Variants in ZDHHC21 observed in about 807,000 individuals in gnomAD.
ZDHHC21 encodes the protein palmitoyltransferase ZDHHC21.
A neutral mutation model predicts 34.6 loss-of-function variants in ZDHHC21; 15 were observed. That is an observed-to-expected ratio of 0.43 (90% CI 0.29 to 0.67). ZDHHC21 has a LOEUF of 0.67. Among genes scored for constraint, ZDHHC21 ranks in the 30% least tolerant of loss-of-function variants. The pLI, the probability that ZDHHC21 is intolerant of heterozygous loss-of-function variation, is 0.14. For synonymous variants in ZDHHC21, 142 were observed against 101.8 expected, an observed-to-expected ratio of 1.40 and a Z score of -2.38; for missense variants, 344 against 327.7, an observed-to-expected ratio of 1.05 and a Z score of -0.38.
the ZDHHC21 span, among the ~76,000 whole-genome samples, chr9:14,604,219 C>A: frequency 2.6e-5 from 4 of 152,254 alleles, no homozygotes; most frequent in South Asian, 8.3e-4. Context: ...TGAAGATGCA[C>A]ATACCTTACC....
At chr9:14,655,713 A>G (rs1453096754) in intron 7 of ZDHHC21, among the ~76,000 whole-genome samples, 1 of 151,860 alleles carries the variant, frequency 6.6e-6, no homozygotes, top group African/African-American at 2.4e-5. Context: ...AGAAAATTGG[A>G]ATTTTTTTTA....
chr9:14,686,432 GT>G (rs1838333651), intron 2 of ZDHHC21, among the ~76,000 whole-genome samples: 1 of 152,068 alleles, frequency 6.6e-6, no homozygotes, highest in African/African-American at 2.4e-5. Context: ...AAGTGTGCTG[GT>G]TACCACAGCA....
rs773086779 is a variant in ZDHHC21 at position 14,618,961 on chromosome 9, T to C, written c.*5A>G. On this transcript the variant is annotated 3_prime_UTR_variant, in exon 10 of 10. Transcript: ENST00000380916. ...AGGACCCATCTGTGCCCACCATCCATCTGTTTAGACATGATTGGCAAAGTG... is the reference window on the plus strand; with the variant it reads ...AGGACCCATCTGTGCCCACCATCCACCTGTTTAGACATGATTGGCAAAGTG... 10 of 1,592,858 alleles carry C rather than the reference T, an allele frequency of 6.3e-6. No individual in the cohort carries two copies. Among genetic ancestry groups the C allele is most frequent in the South Asian group, 2.3e-5 (2 of 87,634 alleles).
intron 8 of ZDHHC21, among the ~76,000 whole-genome samples, chr9:14,639,124 T>A (rs1174866917): frequency 6.6e-6 from 1 of 151,988 alleles, no homozygotes; most frequent in Admixed American, 6.6e-5. Context: ...TATCAACAGA[T>A]GAATGAATTT....
At chr9:14,621,866 T>C (rs965338667) in intron 8 of ZDHHC21, among the ~76,000 whole-genome samples, 2 of 152,076 alleles carry the variant, frequency 1.3e-5, no homozygotes, top group African/African-American at 4.8e-5. Context: ...AAGTTAAATA[T>C]ACTTTTGGAA....
intron 2 of ZDHHC21, among the ~76,000 whole-genome samples, chr9:14,684,047 T>G (rs906834967): frequency 2.2e-4 from 34 of 152,196 alleles, no homozygotes; most frequent in Non-Finnish European, 1.5e-4. Context: ...TGAAGGGACG[T>G]ACCTCAAAAT....
chr9:14,634,103 T>G (rs1000613495), intron 8 of ZDHHC21, among the ~76,000 whole-genome samples: 8 of 152,060 alleles, frequency 5.3e-5, no homozygotes, highest in African/African-American at 1.7e-4. Context: ...AGTCCACCAT[T>G]GCTGGCACCT....
At chr9:14,625,867 T>C (rs1389751816) in intron 8 of ZDHHC21, among the ~76,000 whole-genome samples, 1 of 151,954 alleles carries the variant, frequency 6.6e-6, no homozygotes, top group Non-Finnish European at 1.5e-5. Context: ...ATTCATTCAT[T>C]TATCCATCTA....
intron 6 of ZDHHC21, 146 bp downstream of exon 6, chr9:14,662,069 C>G: frequency 4.0e-6 from 2 of 505,164 alleles, no homozygotes; most frequent in Non-Finnish European, 3.3e-6. Context: ...GTTGACAGAA[C>G]CATATAATCT....
intron 6 of ZDHHC21, among the ~76,000 whole-genome samples, chr9:14,660,046 C>A (rs371366444): frequency 8.5e-5 from 13 of 152,180 alleles, no homozygotes; most frequent in African/African-American, 3.1e-4. Context: ...TATATGAGTT[C>A]TTTTTGTAAC....
chr9:14,611,171 T>C lies in ZDHHC21; in HGVS notation c.*7795A>G, dbSNP rs1823235197. The C allele has an allele frequency of 6.6e-6, 1 of 151,898 alleles. No individual in the cohort carries two copies. Among genetic ancestry groups the C allele is most frequent in the Non-Finnish European group, 1.5e-5 (1 of 67,896 alleles). 9.4% of individuals were successfully genotyped at this position (151,898 alleles called of 1,614,324 possible). A position where few individuals can be genotyped will look rare whatever the true frequency, so the allele number is the denominator to read the frequency against. ...ATTCCACAATTTAAATTAAAAACAA[T>C]CTGCAAAGAAAATAGAAATATTACG... On this transcript the variant is annotated 3_prime_UTR_variant, in exon 10 of 10. Coordinates refer to ENST00000380916, the MANE Select transcript of ZDHHC21 (RefSeq NM_178566.6).
the ZDHHC21 span, among the ~76,000 whole-genome samples, chr9:14,591,690 C>T: frequency 6.6e-6 from 1 of 152,048 alleles, no homozygotes; most frequent in Non-Finnish European, 1.5e-5. Flanking sequence ...TAGTAATCAT[C>T]GTATTGTCCA....
chr9:14,629,619 T>C (rs145224192), intron 8 of ZDHHC21, among the ~76,000 whole-genome samples: 112 of 152,258 alleles, frequency 7.4e-4, no homozygotes, highest in African/African-American at 2.6e-3. Flanking sequence ...AAATTAAAAA[T>C]TATTTATTGA....
chr9:14,649,113 A>G (rs1433308844), intron 7 of ZDHHC21, among the ~76,000 whole-genome samples: 1 of 151,984 alleles, frequency 6.6e-6, no homozygotes, highest in South Asian at 2.1e-4. Context: ...TAGCTGCGAC[A>G]ACCAAAAACA....
Position 14,614,705 on chromosome 9 carries a change from C to T in ZDHHC21, c.*4261G>A, listed in dbSNP as rs1044653446. 4.0e-5 allele frequency: 6 copies of T among 151,682 alleles called. No homozygotes were observed. Among genetic ancestry groups the T allele is most frequent in the African/African-American group, 1.4e-4 (6 of 41,400 alleles). The allele number at this position is 151,682 out of a possible 1,614,324, so 9.4% of individuals were successfully genotyped here. A position where few individuals can be genotyped will look rare whatever the true frequency, so the allele number is the denominator to read the frequency against. ...TTAAATAACACATTCATTAATCATA[C>T]AGTTAATACTAGCAAGTAGAACACA... On this transcript the variant is annotated 3_prime_UTR_variant, in exon 10 of 10. Coordinates refer to ENST00000380916, the MANE Select transcript of ZDHHC21 (RefSeq NM_178566.6).
chr9:14,640,442 T>C (rs1243550718), intron 7 of ZDHHC21, among the ~76,000 whole-genome samples: 3 of 152,094 alleles, frequency 2.0e-5, no homozygotes, highest in African/African-American at 7.2e-5. Flanking sequence ...ACAGCATGAT[T>C]CATATTACTA....
intron 8 of ZDHHC21, among the ~76,000 whole-genome samples, chr9:14,639,014 A>C (rs919526938): frequency 5.9e-5 from 9 of 152,112 alleles, no homozygotes; most frequent in African/African-American, 2.2e-4. Flanking sequence ...TATTTATCCA[A>C]AGGAAAAAAA....
intron 7 of ZDHHC21, among the ~76,000 whole-genome samples, chr9:14,653,040 T>A (rs573606169): frequency 2.0e-5 from 3 of 152,060 alleles, no homozygotes; most frequent in South Asian, 2.1e-4. Context: ...GTCCACCACA[T>A]GCTTTAACTG....
At chr9:14,628,977 G>T (rs1826821513) in intron 8 of ZDHHC21, among the ~76,000 whole-genome samples, 4 of 152,092 alleles carry the variant, frequency 2.6e-5, no homozygotes, top group Admixed American at 2.6e-4. Context: ...CCCCAAAAGG[G>T]TAACGCTTGA....
Sources: allele counts gnomAD v4.1 joint callset (sites outside exome capture counted in the v4.1 genomes callset), GRCh38; gene constraint gnomAD v4.1.1; transcripts MANE v1.5; gene names NCBI Gene and HGNC (gene_info 2026-07-23, HGNC 2026-07-21).